The following ZRANB2 variants were observed in gnomAD, a reference collection of about 807,000 sequenced individuals.
ZRANB2 encodes zinc finger Ran-binding domain-containing protein 2.
A neutral mutation model predicts 53.4 loss-of-function variants in ZRANB2; 19 were observed. The ratio of observed to expected loss-of-function variants is 0.36; its 90% CI spans 0.25 to 0.52. The LOEUF (loss-of-function observed/expected upper bound fraction) is 0.52, where lower values mean the gene tolerates loss of function less well. Among genes scored for constraint, ZRANB2 ranks in the 20% least tolerant of loss-of-function variants. The pLI is 0.93. For synonymous variants in ZRANB2, 145 were observed against 134.8 expected (o/e 1.08, Z -0.52); for missense variants, 309 against 401.1 (o/e 0.77, Z 1.96).
At chr1:71,071,982 G>T in intron 6 of ZRANB2, 139 bp downstream of exon 6, 1 of 1,269,306 alleles carries the variant, frequency 7.9e-7, no homozygotes, top group Non-Finnish European at 1.1e-6. Flanking sequence ...ACTTGGCAGA[G>T]TGGAAATCCA....
intron 7 of ZRANB2, 136 bp from the exon 8 acceptor site, chr1:71,069,498 A>G (rs1244925248): frequency 2.0e-6 from 1 of 497,530 alleles, no homozygotes; most frequent in African/African-American, 2.0e-5. Flanking sequence ...TACTTTCAAA[A>G]CATAGTATTT....
At position 71,072,541 on chromosome 1, in the gene ZRANB2, A is replaced by G. The variant is rs763123193; in HGVS notation, c.309T>C (p.Gly103=). The change falls in exon 5 of 10, where the codon GGT becomes GGC. Residue 103 remains glycine, a synonymous_variant. Coordinates refer to ENST00000370920, the MANE Select transcript of ZRANB2 (RefSeq NM_203350.3). ...YAKLEERTGY[G]GGFNERENVE... ...CATTTTCTCTTTCATTAAAACCACC[A>G]CCATATCCTTAAAAAAGAGGGCACA... 26 of 1,604,168 alleles carry G rather than the reference A, an allele frequency of 1.6e-5. No homozygotes were observed. Among genetic ancestry groups the G allele is most frequent in the Non-Finnish European group, 2.1e-5 (25 of 1,173,692 alleles).
intron 6 of ZRANB2, 73 bp downstream of exon 6, chr1:71,072,048 G>A (rs1366940469): frequency 6.5e-7 from 1 of 1,539,580 alleles, no homozygotes; most frequent in African/African-American, 1.4e-5. Flanking sequence ...AGTGTCTGAG[G>A]CTGTCAAAAG....
rs533422134 is a variant in ZRANB2 at position 71,065,984 on chromosome 1, T to C, written c.929+792A>G. The C allele has an allele frequency of 3.8e-4, 166 of 441,580 alleles. 1 individual carries two copies. The highest frequency in any genetic ancestry group is 2.4e-3 in the African/African-American group (119 of 49,230). The allele number at this position is 441,580 out of a possible 1,614,324, so 27.4% of individuals were successfully genotyped here. A position where few individuals can be genotyped will look rare whatever the true frequency, so the allele number is the denominator to read the frequency against. On this transcript the variant is annotated intron_variant, in intron 9 of 9. Coordinates refer to ENST00000370920, the MANE Select transcript of ZRANB2 (RefSeq NM_203350.3). The stretch of plus-strand genomic sequence containing the variant: ...AGCAAAACTAATCATTCTGTACAAG[T>C]AGGAATCATGAGATAATCCTACCAC...
chr1:71,078,844 A>G, intron 1 of ZRANB2, 136 bp from the exon 2 acceptor site: 1 of 743,234 alleles, frequency 1.3e-6, no homozygotes, highest in South Asian at 1.9e-5. Context: ...TACCAACAAA[A>G]AACTCCACAC....
At chr1:71,065,560 CTGTG>C (rs1661407055) in intron 9 of ZRANB2, 1 of 1,384,382 alleles carries the variant, frequency 7.2e-7, no homozygotes, top group Non-Finnish European at 9.5e-7. Context: ...AGCAAGGCTT[CTGTG>C]TATGAGAAAA....
chr1:71,067,612 A>G, intron 8 of ZRANB2: 1 of 427,532 alleles, frequency 2.3e-6, no homozygotes, highest in Non-Finnish European at 4.7e-6. Flanking sequence ...TCACTTGTAT[A>G]TTTTGGTTGA....
At chr1:71,073,420 A>T (rs532599953) in intron 4 of ZRANB2, among the ~76,000 whole-genome samples, 2 of 152,064 alleles carry the variant, frequency 1.3e-5, no homozygotes, top group Non-Finnish European at 2.9e-5. Context: ...TTCCAGACTT[A>T]GGGACTTCAT....
intron 8 of ZRANB2, chr1:71,067,719 GA>G: frequency 4.8e-6 from 2 of 420,794 alleles, no homozygotes; most frequent in South Asian, 1.8e-5. Flanking sequence ...TACAAGCAAT[GA>G]AAAAATGTTT....
intron 8 of ZRANB2, 23 bp downstream of exon 8, chr1:71,069,253 C>G (rs1661541292): frequency 1.3e-6 from 2 of 1,588,676 alleles, no homozygotes; most frequent in Non-Finnish European, 1.7e-6. Context: ...CTCTGCTTTA[C>G]AGAGAGATGC....
chr1:71,073,150 C>A (rs1661631071), intron 4 of ZRANB2, among the ~76,000 whole-genome samples: 1 of 152,050 alleles, frequency 6.6e-6, no homozygotes, highest in South Asian at 2.1e-4. Context: ...TTAAATGATT[C>A]TATTAAAAAG....
Position 71,069,381 on chromosome 1 carries a change from A to T in ZRANB2, c.684-19T>A, listed in dbSNP as rs1557791140. 3 of 1,527,922 alleles carry T rather than the reference A, an allele frequency of 2.0e-6. No individual in the cohort carries two copies. The highest frequency in any genetic ancestry group is 1.4e-5 in the African/African-American group (1 of 72,122). 94.6% of individuals were successfully genotyped at this position (1,527,922 alleles called of 1,614,324 possible). A position where few individuals can be genotyped will look rare whatever the true frequency, so the allele number is the denominator to read the frequency against. ...ACGGGACCTGGAACAACATGGAACG[A>T]TTTTTTTTTTCCAGGACCATTTAAT... On this transcript the variant is annotated intron_variant, in intron 7 of 9. Coordinates refer to ENST00000370920, the MANE Select transcript of ZRANB2 (RefSeq NM_203350.3).
intron 6 of ZRANB2, 48 bp downstream of exon 6, chr1:71,072,073 T>C (rs754525484): frequency 4.4e-6 from 7 of 1,587,228 alleles, no homozygotes; most frequent in Non-Finnish European, 4.3e-6. Flanking sequence ...CATGTTATGG[T>C]ATAACTCCAA....
intron 4 of ZRANB2, among the ~76,000 whole-genome samples, chr1:71,074,386 T>C (rs1455033149): frequency 6.6e-6 from 1 of 152,078 alleles, no homozygotes; most frequent in Non-Finnish European, 1.5e-5. Flanking sequence ...CACAGTATAA[T>C]GTAAAAAGCT....
chr1:71,078,615 A>G, intron 2 of ZRANB2, 41 bp downstream of exon 2: 1 of 1,608,672 alleles, frequency 6.2e-7, no homozygotes, highest in African/African-American at 1.3e-5. Context: ...TAAATAAATG[A>G]TACATATACA....
At chr1:71,076,907 G>A in intron 3 of ZRANB2, 30 bp from the exon 4 acceptor site, 1 of 1,504,472 alleles carries the variant, frequency 6.6e-7, no homozygotes, top group Non-Finnish European at 9.2e-7. Context: ...TAAATTAGTA[G>A]GCTATAATAT....
intron 7 of ZRANB2, 77 bp downstream of exon 7, chr1:71,070,750 G>T: frequency 1.0e-6 from 1 of 960,416 alleles, no homozygotes. Context: ...ATTTCGTCAA[G>T]AAAAACAAAA....
intron 6 of ZRANB2, among the ~76,000 whole-genome samples, chr1:71,071,285 C>G (rs912559875): frequency 6.6e-6 from 1 of 152,098 alleles, no homozygotes; most frequent in Non-Finnish European, 1.5e-5. Context: ...TCCTTGAAAT[C>G]ACCATTTTTA....
At chr1:71,071,109 A>C (rs1186220941) in intron 6 of ZRANB2, 113 bp from the exon 7 acceptor site, 2 of 862,106 alleles carry the variant, frequency 2.3e-6, no homozygotes, top group Non-Finnish European at 3.2e-6. Flanking sequence ...CAGGTATCTC[A>C]GCAAATTAAT....
Sources: allele counts gnomAD v4.1 joint callset (sites outside exome capture counted in the v4.1 genomes callset), GRCh38; gene constraint gnomAD v4.1.1; transcripts MANE v1.5; gene names NCBI Gene and HGNC (gene_info 2026-07-23, HGNC 2026-07-21).